The following RPL28 variants were observed in gnomAD, a reference collection of about 807,000 sequenced individuals.
The protein encoded by RPL28 is large ribosomal subunit protein eL28.
A neutral mutation model predicts 12.5 loss-of-function variants in RPL28; 4 were observed. The observed-to-expected ratio is 0.32, with a 90% confidence interval of 0.16 to 0.73. The LOEUF (loss-of-function observed/expected upper bound fraction) is 0.73, where lower values mean the gene tolerates loss of function less well. RPL28 is among the 30% of genes least tolerant of loss of function. The probability of loss-of-function intolerance (pLI) is 0.66; values close to 1 mark genes in which losing one functional copy is unlikely to be tolerated. For synonymous variants in RPL28, 91 were observed against 72.5 expected (o/e 1.26, Z -1.30); for missense variants, 214 against 197.7 (o/e 1.08, Z -0.49).
At chr19:55,395,786 C>T (rs1049219624), downstream of RPL28, among the ~76,000 whole-genome samples, 4 of 152,158 alleles carry the variant, frequency 2.6e-5, no homozygotes, top group Non-Finnish European at 5.9e-5. Context: ...AATGAAATGG[C>T]TCCCTTTCAT....
In RPL28 at chr19:55,388,707, G is replaced by A. The variant is rs1193577352; in HGVS notation, c.*375G>A. ...GGGTGCAGGCTGAGGGCTGGGCCCT[G>A]GGCCCTGGTGCTGTAGCACGGTTTG... On this transcript the variant is annotated 3_prime_UTR_variant, in exon 5 of 5. Transcript: ENST00000344063. The A allele has an allele frequency of 1.9e-6, 2 of 1,046,050 alleles. No homozygotes were observed. The highest frequency in any genetic ancestry group is 4.4e-4 in the Middle Eastern group (1 of 2,294). 64.8% of individuals were successfully genotyped at this position (1,046,050 alleles called of 1,614,324 possible).
chr19:55,395,842 G>C (rs1218691080), downstream of RPL28, among the ~76,000 whole-genome samples: 1 of 152,118 alleles, frequency 6.6e-6, no homozygotes, highest in African/African-American at 2.4e-5. Flanking sequence ...GACAACCAAT[G>C]TTACCAGGTT....
Position 55,391,908 on chromosome 19 carries a change from G to T in RPL28, c.*3576G>T, listed in dbSNP as rs369549126. On this transcript the variant is annotated 3_prime_UTR_variant, in exon 5 of 5. Coordinates refer to ENST00000344063, the MANE Select transcript of RPL28 (RefSeq NM_000991.5). ...GTGCAGTAATGCCTGGTGGCTCCAG[G>T]TCTGCCCCGCCGTCCTGTGGGGCTG... is the stretch of plus-strand genomic sequence containing the variant. 8.3e-6 allele frequency: 11 copies of T among 1,319,518 alleles called. No homozygotes were observed. Among genetic ancestry groups the T allele is most frequent in the Non-Finnish European group, 1.1e-5 (11 of 1,029,928 alleles). 81.7% of individuals were successfully genotyped at this position (1,319,518 alleles called of 1,614,324 possible).
At chr19:55,396,210 G>A (rs2090021368), downstream of RPL28, among the ~76,000 whole-genome samples, 1 of 127,456 alleles carries the variant, frequency 7.8e-6, no homozygotes, top group Non-Finnish European at 1.7e-5. Flanking sequence ...GTTTGAAGTT[G>A]CAGTGAGCTA....
chr19:55,399,621 T>C (rs1450818402), intron 4 of RPL28: 2 of 152,194 alleles, frequency 1.3e-5, no homozygotes, highest in Admixed American at 6.6e-5. Flanking sequence ...GGTCTTGGTA[T>C]TTCTAGTGAC....
Position 55,388,036 on chromosome 19 carries a change from C to T in RPL28, c.312C>T (p.Pro104=), listed in dbSNP as rs146377570. 2,459 of 1,613,840 alleles carry T rather than the reference C, an allele frequency of 1.5e-3. 6 individuals carry two copies. The highest frequency in any genetic ancestry group is 2.0e-3 in the Admixed American group (117 of 59,976). Residue 104 remains proline, a synonymous_variant, in exon 4 of 5, where the codon CCC becomes CCT. Coordinates refer to ENST00000344063, the MANE Select transcript of RPL28 (RefSeq NM_000991.5). Reference sequence around the variant, plus strand: ...TGATCCGCAAGAACAAGTACCGCCCCGACCTGCGCATGGTGAGCTGGGGTT... The same window carrying T: ...TGATCCGCAAGAACAAGTACCGCCCTGACCTGCGCATGGTGAGCTGGGGTT... ...RHMIRKNKYR[P]DLRMAAIRRA... is the part of the protein sequence containing the mutation.
chr19:55,400,989 T>G, intron 4 of RPL28: 1 of 165,804 alleles, frequency 6.0e-6, no homozygotes, highest in Non-Finnish European at 1.3e-5. Context: ...AACGTGGCCA[T>G]TATTCTAGAG....
At position 55,391,583 on chromosome 19, in the gene RPL28, C is replaced by A. The variant is rs2089990255; in HGVS notation, c.*3251C>A. On this transcript the variant is annotated 3_prime_UTR_variant, in exon 5 of 5. Coordinates refer to ENST00000344063, the MANE Select transcript of RPL28 (RefSeq NM_000991.5). Reference sequence around the variant, plus strand: ...TGCTGGCATCTACTGGGTCAGGGCTCTGCTGCTCGGTGGCTGTGCAACCTT... The same window carrying A: ...TGCTGGCATCTACTGGGTCAGGGCTATGCTGCTCGGTGGCTGTGCAACCTT... 6.5e-7 allele frequency: 1 copy of A among 1,548,322 alleles called. No individual in the cohort carries two copies. Among genetic ancestry groups the A allele is most frequent in the East Asian group, 2.4e-5 (1 of 40,818 alleles).
rs553404100 is a variant in RPL28, at chr19:55,388,377, G to A, written c.*45G>A. On this transcript the variant is annotated 3_prime_UTR_variant, in exon 5 of 5. Transcript: ENST00000344063. ...ATAAAGTCAGCTGGCTTTCTCACCT[G>A]CCTCGACTGGGCCTCCCTTTTTGAA... 4 of 1,436,618 alleles carry A rather than the reference G, an allele frequency of 2.8e-6. No homozygotes were observed. The highest frequency in any genetic ancestry group is 3.7e-6 in the Non-Finnish European group (4 of 1,091,892). The allele number at this position is 1,436,618 out of a possible 1,614,324, so 89.0% of individuals were successfully genotyped here. A position where few individuals can be genotyped will look rare whatever the true frequency, so the allele number is the denominator to read the frequency against.
intron 4 of RPL28, among the ~76,000 whole-genome samples, chr19:55,399,452 C>A (rs186684649): frequency 6.6e-6 from 1 of 152,332 alleles, no homozygotes; most frequent in East Asian, 1.9e-4. Flanking sequence ...CAGGCGTGAG[C>A]CACCCCACCC....
Position 55,387,967 on chromosome 19 carries a change from C to T in RPL28, c.243C>T (p.Thr81=), listed in dbSNP as rs1251897518. 3.1e-6 allele frequency: 5 copies of T among 1,604,540 alleles called. No homozygotes were observed. Among genetic ancestry groups the T allele is most frequent in the South Asian group, 2.2e-5 (2 of 89,596 alleles). The change falls in exon 4 of 5, where the codon ACC becomes ACT. Residue 81 remains threonine, a synonymous_variant. Coordinates refer to ENST00000344063, the MANE Select transcript of RPL28 (RefSeq NM_000991.5). The part of the protein sequence containing the change: ...RKPATSYVRT[T]INKNARATLS... Reference sequence around the variant, plus strand: ...CTGCCACCTCCTATGTGCGGACCACCATCAACAAGAATGCTCGCGCCACGC... The same window carrying T: ...CTGCCACCTCCTATGTGCGGACCACTATCAACAAGAATGCTCGCGCCACGC...
At chr19:55,403,128 G>T (rs1334110169) in exon 5 of RPL28, 4 of 792,076 alleles carry the variant, frequency 5.1e-6, no homozygotes, top group Non-Finnish European at 4.3e-6. Context: ...CCCCCGAGTT[G>T]TGACAACCCT....
Position 55,388,029 on chromosome 19 carries a change from A to T in RPL28, c.305A>T (p.Tyr102Phe). ...AGACACATGATCCGCAAGAACAAGT[A>T]CCGCCCCGACCTGCGCATGGTGAGC... ...SIRHMIRKNK[Y>F]RPDLRMAAIR... The change falls in exon 4 of 5, where the codon TAC (tyrosine) becomes TTC (phenylalanine). Residue 102 changes from tyrosine to phenylalanine, a missense_variant. Coordinates refer to ENST00000344063, the MANE Select transcript of RPL28 (RefSeq NM_000991.5). 1 of 1,613,708 alleles carries T rather than the reference A, an allele frequency of 6.2e-7. No individual in the cohort carries two copies. Among genetic ancestry groups the T allele is most frequent in the Non-Finnish European group, 8.5e-7 (1 of 1,179,878 alleles).
chr19:55,399,080 C>A (rs2090039904), intron 4 of RPL28, among the ~76,000 whole-genome samples: 1 of 152,092 alleles, frequency 6.6e-6, no homozygotes, highest in Non-Finnish European at 1.5e-5. Context: ...GTCAACCTGC[C>A]CATCTCAAGT....
chr19:55,386,686 G>A lies in RPL28; in HGVS notation c.198G>A (p.Arg66=), dbSNP rs1460259451. The A allele has an allele frequency of 6.2e-7, 1 of 1,614,056 alleles. No homozygotes were observed. The highest frequency in any genetic ancestry group is 8.5e-7 in the Non-Finnish European group (1 of 1,180,030). ...AAGGTGTCGTGGTGGTCATTAAGCG[G>A]AGATCCGGTGAGTTTTGTCTGGTTT... is the stretch of plus-strand genomic sequence containing the variant. The part of the protein sequence containing the change: ...DGKGVVVVIK[R]RSGQRKPATS... Residue 66 remains arginine (R), a synonymous_variant, in exon 3 of 5, where the codon CGG becomes CGA. Coordinates refer to ENST00000344063, the MANE Select transcript of RPL28 (RefSeq NM_000991.5).
At position 55,388,792 on chromosome 19, in the gene RPL28, T is replaced by A; in HGVS notation, c.*460T>A. On this transcript the variant is annotated 3_prime_UTR_variant, in exon 5 of 5. Transcript: ENST00000344063. ...CAGACATCACGGGAGGAAGATGAGA[T>A]GACTTTTGCATCCAGGGAGTGGGTG... 1 of 992,642 alleles carries A rather than the reference T, an allele frequency of 1.0e-6. No individual in the cohort carries two copies. Among genetic ancestry groups the A allele is most frequent in the Non-Finnish European group, 1.2e-6 (1 of 835,152 alleles). The allele number at this position is 992,642 out of a possible 1,614,324, so 61.5% of individuals were successfully genotyped here. A position where few individuals can be genotyped will look rare whatever the true frequency, so the allele number is the denominator to read the frequency against.
chr19:55,394,968 T>C (rs1288599844), downstream of RPL28, among the ~76,000 whole-genome samples: 1 of 152,216 alleles, frequency 6.6e-6, no homozygotes, highest in Non-Finnish European at 1.5e-5. Flanking sequence ...CCAACATTCC[T>C]GTTAAATATT....
intron 4 of RPL28, chr19:55,401,172 G>A (rs1013030189): frequency 1.9e-6 from 1 of 535,890 alleles, no homozygotes; most frequent in East Asian, 3.3e-5. Flanking sequence ...TGGACCCACT[G>A]CTGCAGTCCA....
rs1555906181 is a variant in RPL28 at position 55,391,791 on chromosome 19, A to AGG, written c.*3459_*3460insGG. On this transcript the variant is annotated 3_prime_UTR_variant, in exon 5 of 5. Coordinates refer to ENST00000344063, the MANE Select transcript of RPL28 (RefSeq NM_000991.5). ...ATAAATATTTTGATCAGATGGACTCATGATCACAGATGTCTTCACATGCCT... is the reference window on the plus strand; with the variant it reads ...ATAAATATTTTGATCAGATGGACTCAGGTGATCACAGATGTCTTCACATGCCT... 2.3e-6 allele frequency: 3 copies of AGG among 1,305,116 alleles called. No homozygotes were observed. The highest frequency in any genetic ancestry group is 3.7e-5 in the Admixed American group (1 of 26,928). The allele number at this position is 1,305,116 out of a possible 1,614,324, so 80.8% of individuals were successfully genotyped here.
Sources: allele counts gnomAD v4.1 joint callset (sites outside exome capture counted in the v4.1 genomes callset), GRCh38; gene constraint gnomAD v4.1.1; transcripts MANE v1.5; gene names NCBI Gene and HGNC (gene_info 2026-07-23, HGNC 2026-07-21).